HTRA3: variants seen among roughly 807,000 people sequenced by gnomAD.
HTRA3 encodes HtrA serine peptidase 3.
Under a neutral mutation model 43.2 loss-of-function variants are expected in HTRA3, and 41 were observed. The ratio of observed to expected loss-of-function variants is 0.95; its 90% CI spans 0.74 to 1.23. The LOEUF (loss-of-function observed/expected upper bound fraction) is 1.23. Ranked by LOEUF, HTRA3 falls within the 50% of genes most tolerant of loss-of-function variation. The pLI is 0.00. For missense variants in HTRA3, 628 were observed against 647.1 expected, an observed-to-expected ratio of 0.97 and a Z score of 0.32; for synonymous variants, 295 against 287.9, an observed-to-expected ratio of 1.02 and a Z score of -0.25.
In HTRA3 at chr4:8,297,912, C is replaced by T. The variant is rs993800861; in HGVS notation, c.1051+3711C>T. ...CCCCCTGCTCCTGCAGCCCCACCTGCCGTCCCCACTGAGTTATGTCAGCCT... is the reference window on the plus strand; with the variant it reads ...CCCCCTGCTCCTGCAGCCCCACCTGTCGTCCCCACTGAGTTATGTCAGCCT... On this transcript the variant is annotated intron_variant, in intron 6 of 8. Transcript: ENST00000307358. The surrounding 1 kb of genome is among the most constrained non-coding windows in gnomAD (Gnocchi z 5.8). 6.6e-6 allele frequency among the ~76,000 whole-genome samples: 1 copy of T among 152,204 alleles called. No individual in the cohort carries two copies. The highest frequency in any genetic ancestry group is 1.5e-5 in the Non-Finnish European group (1 of 68,030).
At chr4:8,302,568 AC>A in intron 7 of HTRA3, 57 bp downstream of exon 7, 1 of 1,552,686 alleles carries the variant, frequency 6.4e-7, no homozygotes. Context: ...CCTCACCCTG[AC>A]CCTCCCTCCA....
rs772150262 is a variant in HTRA3 at position 8,291,517 on chromosome 4, C to A, written c.856C>A (p.Leu286Ile). 2.4e-5 allele frequency: 38 copies of A among 1,611,354 alleles called. No individual in the cohort carries two copies. Among genetic ancestry groups the A allele is most frequent in the Middle Eastern group, 1.7e-4 (1 of 6,028 alleles). ...CCAGCGGGAGGGCAGGGAGCTGGGC[C>A]TCCGGGACTCCGACATGGACTACAT... ...TAQREGRELG[L>I]RDSDMDYIQT... Residue 286 changes from leucine (L) to isoleucine (I), a missense_variant, in exon 4 of 9, where the codon CTC becomes ATC. Physicochemically the swap from Leu to Ile is conservative, Grantham distance 5 (BLOSUM62 2). Coordinates refer to ENST00000307358, the MANE Select transcript of HTRA3 (RefSeq NM_053044.5).
Position 8,295,819 on chromosome 4 carries a change from T to C in HTRA3, c.1051+1618T>C. 2 of 1,244,482 alleles carry C rather than the reference T, an allele frequency of 1.6e-6. No homozygotes were observed. 77.1% of individuals were successfully genotyped at this position (1,244,482 alleles called of 1,614,324 possible). On this transcript the variant is annotated intron_variant, in intron 6 of 8. Coordinates refer to ENST00000307358, the MANE Select transcript of HTRA3 (RefSeq NM_053044.5). The surrounding 1 kb of genome is among the most constrained non-coding windows in gnomAD (Gnocchi z 6.9). ...GCTGGTGCCATGAGGGCTGGTCACA[T>C]GAAGAGCTGCTGTTGAGGATGCCGC... is the stretch of plus-strand genomic sequence containing the variant.
chr4:8,288,596 G>A lies in HTRA3; in HGVS notation c.708+1813G>A, dbSNP rs1248072052. Among the ~76,000 whole-genome samples, 8 of 143,932 alleles carry A rather than the reference G, an allele frequency of 5.6e-5. No individual in the cohort carries two copies. In the South Asian group the frequency reaches 8.7e-4, roughly 16 times the overall value. 94.4% of individuals were successfully genotyped at this position (143,932 alleles called of 152,430 possible). ...AGCCTTTTTTTTTTTTTTTTGAGAC[G>A]GGTTCTTGCTCTGTCACCCAGGCTG... On this transcript the variant is annotated intron_variant, in intron 3 of 8. Coordinates refer to ENST00000307358, the MANE Select transcript of HTRA3 (RefSeq NM_053044.5).
intron 2 of HTRA3, among the ~76,000 whole-genome samples, chr4:8,285,914 G>T (rs1350510157): frequency 1.3e-5 from 2 of 152,220 alleles, no homozygotes; most frequent in African/African-American, 4.8e-5. Context: ...GGTAGAGGGA[G>T]GTGGGAATAA....
chr4:8,278,321 G>C (rs1712610444), intron 1 of HTRA3, among the ~76,000 whole-genome samples: 1 of 150,660 alleles, frequency 6.6e-6, no homozygotes, highest in South Asian at 2.1e-4. Context: ...CTCGGGCCTT[G>C]ATTGCTTTGC....
intron 2 of HTRA3, among the ~76,000 whole-genome samples, 182 bp downstream of exon 2, chr4:8,282,718 C>T (rs113992702): frequency 2.6e-5 from 4 of 152,210 alleles, no homozygotes; most frequent in South Asian, 2.1e-4. Context: ...AGGACATCCC[C>T]GCTGAAGTGA....
intron 1 of HTRA3, among the ~76,000 whole-genome samples, chr4:8,274,775 C>T (rs1246393177): frequency 2.0e-5 from 3 of 152,248 alleles, no homozygotes; most frequent in Non-Finnish European, 2.9e-5. Flanking sequence ...AGCCTCTCCT[C>T]TGGCTGCAGA....
In HTRA3 at chr4:8,275,833, C is replaced by T. The variant is rs145596125; in HGVS notation, c.385+5480C>T. Among the ~76,000 whole-genome samples, 24 of 152,326 alleles carry T rather than the reference C, an allele frequency of 1.6e-4. No individual in the cohort carries two copies. In the East Asian group the frequency reaches 3.9e-3, roughly 24 times the overall value. ...TCAGGGAGCTGTAGGAAGCTGCCCT[C>T]GGTCACTCAGGTAGGGATGGATGGT... On this transcript the variant is annotated intron_variant, in intron 1 of 8. Coordinates refer to ENST00000307358, the MANE Select transcript of HTRA3 (RefSeq NM_053044.5).
At chr4:8,275,605 G>T (rs1036475669) in intron 1 of HTRA3, among the ~76,000 whole-genome samples, 2 of 152,180 alleles carry the variant, frequency 1.3e-5, no homozygotes, top group African/African-American at 4.8e-5. Context: ...GGGTACAAGG[G>T]GGCCTGTGCA....
In HTRA3 at chr4:8,294,095, G is replaced by A; in HGVS notation, c.945G>A (p.Glu315=). Residue 315 remains glutamate, a synonymous_variant, in exon 6 of 9, where the codon GAG becomes GAA. Transcript: ENST00000307358. ...CTTACCTCCCTGCCCAGGATGGCGAGGTCATTGGCATCAACACGCTCAAGG... is the reference window on the plus strand; with the variant it reads ...CTTACCTCCCTGCCCAGGATGGCGAAGTCATTGGCATCAACACGCTCAAGG... The part of the protein sequence containing the change: ...SGGPLVNLDG[E]VIGINTLKVT... 6.2e-7 allele frequency: 1 copy of A among 1,609,358 alleles called. No individual in the cohort carries two copies. Among genetic ancestry groups the A allele is most frequent in the Non-Finnish European group, 8.5e-7 (1 of 1,177,612 alleles).
rs995411361 is a variant in HTRA3, at chr4:8,286,688, C to G, written c.613C>G (p.Leu205Val). 1.2e-6 allele frequency: 2 copies of G among 1,614,172 alleles called. No homozygotes were observed. The highest frequency in any genetic ancestry group is 1.7e-6 in the Non-Finnish European group (2 of 1,180,004). Reference protein sequence around the residue: ...SNSAAPGRQQLKVQLQNGDSY... With the variant: ...SNSAAPGRQQVKVQLQNGDSY... ...CAGTGCTGCCCCGGGCAGGCAGCAG[C>G]TCAAGGTGCAGCTACAGAATGGGGA... Residue 205 changes from leucine (L) to valine (V), a missense_variant, in exon 3 of 9, where the codon CTC (leucine) becomes GTC (valine). Transcript: ENST00000307358. This position sits in a 1 kb window ranked among gnomAD's most constrained non-coding sequence, Gnocchi z 4.9.
intron 1 of HTRA3, among the ~76,000 whole-genome samples, chr4:8,281,128 T>C (rs1033539798): frequency 5.3e-5 from 8 of 152,186 alleles, no homozygotes; most frequent in African/African-American, 1.4e-4. Flanking sequence ...GGTGAATGAA[T>C]TGGGATGTGC....
At position 8,279,982 on chromosome 4, in the gene HTRA3, G is replaced by C. The variant is rs1207179066; in HGVS notation, c.386-2455G>C. 6.6e-6 allele frequency among the ~76,000 whole-genome samples: 1 copy of C among 152,186 alleles called. No homozygotes were observed. Among genetic ancestry groups the C allele is most frequent in the Admixed American group, 6.5e-5 (1 of 15,280 alleles). On this transcript the variant is annotated intron_variant, in intron 1 of 8. Coordinates refer to ENST00000307358, the MANE Select transcript of HTRA3 (RefSeq NM_053044.5). The surrounding 1 kb of genome is among the most constrained non-coding windows in gnomAD (Gnocchi z 7.4). ...CTGCACGAGTGGCTTGAATAAGGCT[G>C]TGAGCAGCGGCAGATTCGGTACAAC...
At chr4:8,280,768 A>C (rs1264299277) in intron 1 of HTRA3, among the ~76,000 whole-genome samples, 1 of 152,190 alleles carries the variant, frequency 6.6e-6, no homozygotes, top group Non-Finnish European at 1.5e-5. Context: ...TAGCCACCCC[A>C]GACAGGTGGC....
chr4:8,302,505 C>A lies in HTRA3; in HGVS notation c.1094C>A (p.Thr365Lys), dbSNP rs2153007283. Reference protein sequence around the residue: ...RFIGIRMRTITPSLVDELKAS... With the variant: ...RFIGIRMRTIKPSLVDELKAS... The stretch of plus-strand genomic sequence containing the variant: ...ATCGGCATACGGATGCGGACGATCA[C>A]ACCAAGGTGAGTGTCTGAAGAGTGC... Residue 365 changes from threonine (T) to lysine (K), a missense_variant, in exon 7 of 9, where the codon ACA becomes AAA. Physicochemically the swap from Thr to Lys is moderately conservative, Grantham distance 78. Transcript: ENST00000307358. 6.2e-7 allele frequency: 1 copy of A among 1,614,034 alleles called. No homozygotes were observed. The highest frequency in any genetic ancestry group is 2.2e-5 in the East Asian group (1 of 44,858).
At chr4:8,302,608 G>A in intron 7 of HTRA3, 97 bp downstream of exon 7, 1 of 1,231,682 alleles carries the variant, frequency 8.1e-7, no homozygotes, top group Non-Finnish European at 1.2e-6. Context: ...TCGGCTCCTT[G>A]CAGGTGCCCA....
chr4:8,272,305 C>T (rs930374399), intron 1 of HTRA3, among the ~76,000 whole-genome samples: 1 of 152,174 alleles, frequency 6.6e-6, no homozygotes, highest in Admixed American at 6.5e-5. Flanking sequence ...CCTCAAGCCT[C>T]ACAGACCATC....
intron 6 of HTRA3, 99 bp from the exon 7 acceptor site, chr4:8,302,364 G>A: frequency 9.1e-7 from 1 of 1,095,786 alleles, no homozygotes; most frequent in East Asian, 2.4e-5. Context: ...GCTGCTTCCT[G>A]GTCCTGCAGG....
Sources: allele counts gnomAD v4.1 joint callset (sites outside exome capture counted in the v4.1 genomes callset), GRCh38; gene constraint gnomAD v4.1.1; non-coding constraint Gnocchi (gnomAD v3.1); transcripts MANE v1.5; gene names NCBI Gene and HGNC (gene_info 2026-07-23, HGNC 2026-07-21).